The following CACNA2D1 variants were observed in gnomAD, a reference collection of about 807,000 sequenced individuals.
CACNA2D1 encodes voltage-dependent calcium channel subunit alpha-2/delta-1.
A neutral mutation model predicts 171.5 loss-of-function variants in CACNA2D1; 53 were observed. The ratio of observed to expected loss-of-function variants is 0.31; its 90% confidence interval spans 0.25 to 0.39. CACNA2D1 has a LOEUF of 0.39. Among genes scored for constraint, CACNA2D1 ranks in the 10% least tolerant of loss-of-function variants. CACNA2D1 has a pLI of 1.00. For synonymous variants in CACNA2D1, 442 were observed against 443.1 expected, an observed-to-expected ratio of 1.00 and a Z score of 0.03; for missense variants, 903 against 1,299.8, an observed-to-expected ratio of 0.69 and a Z score of 4.69.
intron 7 of CACNA2D1, among the ~76,000 whole-genome samples, chr7:82,069,866 C>T (rs923768470): frequency 6.6e-6 from 1 of 152,034 alleles, no homozygotes; most frequent in Non-Finnish European, 1.5e-5. Context: ...ACTTCACAGT[C>T]TTAGTCTCAT....
chr7:82,390,887 T>C (rs1388366332), intron 1 of CACNA2D1, among the ~76,000 whole-genome samples: 1 of 152,236 alleles, frequency 6.6e-6, no homozygotes, highest in East Asian at 1.9e-4. Flanking sequence ...TTTTCTTTCA[T>C]GATATAGTAG....
intron 1 of CACNA2D1, among the ~76,000 whole-genome samples, chr7:82,357,679 A>C (rs1484335770): frequency 6.9e-6 from 1 of 145,708 alleles, no homozygotes; most frequent in East Asian, 2.0e-4. Context: ...GAACTATACC[A>C]CAGAGAAAAT....
intron 6 of CACNA2D1, 128 bp from the exon 7 acceptor site, chr7:82,085,028 G>A (rs1276581086): frequency 1.2e-6 from 1 of 853,790 alleles, no homozygotes; most frequent in African/African-American, 1.7e-5. Flanking sequence ...TAATCCAGTA[G>A]TTATCAACAA....
chr7:82,093,330 T>C (rs1350262049), intron 6 of CACNA2D1, among the ~76,000 whole-genome samples: 1 of 152,168 alleles, frequency 6.6e-6, no homozygotes, highest in Non-Finnish European at 1.5e-5. Context: ...TTACCTGCTC[T>C]CATCATTAAT....
At chr7:82,424,908 T>C (rs1171968917) in intron 1 of CACNA2D1, among the ~76,000 whole-genome samples, 1 of 152,174 alleles carries the variant, frequency 6.6e-6, no homozygotes, top group Non-Finnish European at 1.5e-5. Flanking sequence ...TTCACATCTT[T>C]TAGTTTTTGG....
chr7:82,378,938 CGTGTGTGTGTGTGTGTGTGTGTGT>C (rs533854397), intron 1 of CACNA2D1, among the ~76,000 whole-genome samples: 3 of 139,094 alleles, frequency 2.2e-5, no homozygotes, highest in Admixed American at 7.3e-5. Context: ...GGGGTTGACT[CGTGTGTGTGTGTGTGTGTGTGTGT>C]GTGTGTGTGT....
chr7:82,310,022 A>G (rs1417223387), intron 3 of CACNA2D1, among the ~76,000 whole-genome samples: 1 of 152,144 alleles, frequency 6.6e-6, no homozygotes, highest in Non-Finnish European at 1.5e-5. Flanking sequence ...TTAATTATTA[A>G]ATATAACTCT....
chr7:82,132,060 A>C (rs1791051092), intron 5 of CACNA2D1, among the ~76,000 whole-genome samples: 1 of 152,228 alleles, frequency 6.6e-6, no homozygotes, highest in Non-Finnish European at 1.5e-5. Flanking sequence ...ATGTATTTAC[A>C]GTTCTTGACT....
intron 5 of CACNA2D1, among the ~76,000 whole-genome samples, chr7:82,121,711 CA>C (rs1188554775): frequency 6.6e-6 from 1 of 151,748 alleles, no homozygotes; most frequent in Non-Finnish European, 1.5e-5. Flanking sequence ...TGAATCATAA[CA>C]AAAAATAAAA....
chr7:82,053,501 A>G (rs1805463049), intron 10 of CACNA2D1, among the ~76,000 whole-genome samples: 1 of 152,130 alleles, frequency 6.6e-6, no homozygotes, highest in Non-Finnish European at 1.5e-5. Context: ...AAAACTTCAG[A>G]GTGTAGTTGA....
chr7:81,952,511 T>G (rs1792722580), intron 38 of CACNA2D1, among the ~76,000 whole-genome samples: 1 of 152,144 alleles, frequency 6.6e-6, no homozygotes, highest in Non-Finnish European at 1.5e-5. Context: ...AAATAATCAA[T>G]TCTTAGTCTT....
chr7:82,023,583 GT>G (rs35248241), intron 12 of CACNA2D1, among the ~76,000 whole-genome samples: 32,555 of 146,996 alleles, frequency 0.22, 4,471 homozygotes, highest in African/African-American at 0.39. Flanking sequence ...AAAGAGTTAG[GT>G]TTTTTTTTTT....
chr7:82,340,600 A>G (rs1056987076), intron 2 of CACNA2D1, among the ~76,000 whole-genome samples: 1 of 152,014 alleles, frequency 6.6e-6, no homozygotes, highest in African/African-American at 2.4e-5. Context: ...ATAACTTTGC[A>G]TTTTCATTTC....
intron 12 of CACNA2D1, among the ~76,000 whole-genome samples, chr7:82,021,670 T>C (rs548265082): frequency 6.6e-6 from 1 of 152,128 alleles, no homozygotes; most frequent in South Asian, 2.1e-4. Flanking sequence ...GAGTTTATAT[T>C]AGAGAGGAAG....
intron 3 of CACNA2D1, among the ~76,000 whole-genome samples, chr7:82,266,838 T>C (rs958525735): frequency 1.3e-5 from 2 of 152,166 alleles, no homozygotes; most frequent in Admixed American, 6.5e-5. Context: ...TTAACAAAAA[T>C]GTGTTTGACC....
intron 11 of CACNA2D1, among the ~76,000 whole-genome samples, chr7:82,033,937 A>C (rs1012332972): frequency 6.6e-6 from 1 of 152,152 alleles, no homozygotes; most frequent in African/African-American, 2.4e-5. Flanking sequence ...AGTGCTGTCC[A>C]AAAGAAATAT....
rs573912838 is a variant in CACNA2D1, at chr7:82,084,027, T to G, written c.658+742A>C. The stretch of plus-strand genomic sequence containing the variant: ...TGTTTGAGAAAGAAAACGCATTTTA[T>G]GTTTTTCAGCTTGCTCTAAAAAGTG... On this transcript the variant is annotated intron_variant, in intron 7 of 38. Transcript: ENST00000356860. Among the ~76,000 whole-genome samples, 492 of 152,304 alleles carry G rather than the reference T, an allele frequency of 3.2e-3. 1 individual carries two copies. The highest frequency in any genetic ancestry group is 4.8e-3 in the Non-Finnish European group (325 of 67,996).
intron 4 of CACNA2D1, among the ~76,000 whole-genome samples, chr7:82,142,823 A>C (rs1447948638): frequency 6.6e-6 from 1 of 152,286 alleles, no homozygotes; most frequent in African/African-American, 2.4e-5. Flanking sequence ...ATTAAAAATA[A>C]GTTATGTTAA....
At chr7:82,076,640 A>G (rs1190624770) in intron 7 of CACNA2D1, among the ~76,000 whole-genome samples, 1 of 152,090 alleles carries the variant, frequency 6.6e-6, no homozygotes, top group Non-Finnish European at 1.5e-5. Flanking sequence ...CTTCTGGTCA[A>G]GCTTCCCCAA....
Sources: allele counts gnomAD v4.1 joint callset (sites outside exome capture counted in the v4.1 genomes callset), GRCh38; gene constraint gnomAD v4.1.1; transcripts MANE v1.5; gene names NCBI Gene and HGNC (gene_info 2026-07-23, HGNC 2026-07-21).